Variants in FAM13A observed in about 807,000 individuals in gnomAD.
FAM13A encodes protein FAM13A.
In FAM13A, 76 loss-of-function variants were observed where a neutral mutation model predicts 129.6. That is an observed-to-expected ratio of 0.59 (90% CI 0.49 to 0.71). FAM13A has a LOEUF of 0.71. Ranked by LOEUF, FAM13A falls within the 30% of genes least tolerant of loss-of-function variation. FAM13A has a pLI of 0.00. For synonymous variants in FAM13A, 443 were observed against 449.9 expected (o/e 0.98, Z 0.20); for missense variants, 1,108 against 1,249.3 (o/e 0.89, Z 1.70).
intron 7 of FAM13A, among the ~76,000 whole-genome samples, chr4:88,810,913 T>G (rs1367895551): frequency 6.6e-6 from 1 of 152,204 alleles, no homozygotes; most frequent in Non-Finnish European, 1.5e-5. Context: ...TTATTAATAT[T>G]GGTCACATCC....
chr4:88,782,020 A>T (rs866840833), intron 10 of FAM13A, among the ~76,000 whole-genome samples: 6 of 151,090 alleles, frequency 4.0e-5, no homozygotes, highest in South Asian at 2.1e-4. Flanking sequence ...TTAAAAAATT[A>T]AAAAAAAAGA....
At chr4:88,733,144 G>C (rs897621145) in intron 21 of FAM13A, among the ~76,000 whole-genome samples, 2 of 152,224 alleles carry the variant, frequency 1.3e-5, no homozygotes, top group Non-Finnish European at 2.9e-5. Context: ...TGCCAGTGCA[G>C]CAAAAACATC....
intron 8 of FAM13A, among the ~76,000 whole-genome samples, chr4:88,801,619 TA>T (rs1727470003): frequency 6.6e-6 from 1 of 152,182 alleles, no homozygotes; most frequent in Non-Finnish European, 1.5e-5. Context: ...CCAGGTGAGT[TA>T]TTTAGAGCCC....
chr4:88,901,704 G>A (rs987136713), intron 6 of FAM13A, among the ~76,000 whole-genome samples: 2 of 151,472 alleles, frequency 1.3e-5, no homozygotes, highest in African/African-American at 4.8e-5. Flanking sequence ...AGAGAACCAA[G>A]AGCAAACAAA....
intron 4 of FAM13A, among the ~76,000 whole-genome samples, chr4:88,987,302 G>A (rs1762360712): frequency 6.6e-6 from 1 of 152,118 alleles, no homozygotes; most frequent in Non-Finnish European, 1.5e-5. Flanking sequence ...ATCAGACTAG[G>A]ATTTTCAATA....
intron 19 of FAM13A, among the ~76,000 whole-genome samples, chr4:88,746,552 C>A (rs563240229): frequency 6.6e-6 from 1 of 152,284 alleles, no homozygotes; most frequent in Non-Finnish European, 1.5e-5. Flanking sequence ...AGGAAGCCTA[C>A]AGTGACAGCT....
intron 5 of FAM13A, among the ~76,000 whole-genome samples, chr4:88,911,975 C>T (rs918402623): frequency 2.0e-5 from 3 of 152,120 alleles, no homozygotes; most frequent in Non-Finnish European, 4.4e-5. Context: ...ACAGAATCTG[C>T]CAAAACAGTC....
intron 14 of FAM13A, among the ~76,000 whole-genome samples, chr4:88,758,239 G>A (rs1744090388): frequency 1.3e-5 from 2 of 152,056 alleles, no homozygotes; most frequent in Admixed American, 6.6e-5. Flanking sequence ...CATGTATTCA[G>A]TGTTCTTTTT....
chr4:88,746,878 C>T, intron 19 of FAM13A, 54 bp downstream of exon 19: 1 of 1,156,350 alleles, frequency 8.6e-7, no homozygotes, highest in Non-Finnish European at 1.3e-6. Context: ...ATAGAAAATC[C>T]ATTTCTAAAG....
chr4:88,899,689 T>C (rs888051241), intron 6 of FAM13A, among the ~76,000 whole-genome samples: 1 of 151,998 alleles, frequency 6.6e-6, no homozygotes, highest in East Asian at 1.9e-4. Context: ...TAAAGAAGTT[T>C]TTCTATACTG....
chr4:88,786,510 T>G (rs932832611), intron 10 of FAM13A, among the ~76,000 whole-genome samples: 1 of 152,240 alleles, frequency 6.6e-6, no homozygotes, highest in Non-Finnish European at 1.5e-5. Context: ...AAATATCTCA[T>G]GTCATGCCAC....
intron 4 of FAM13A, among the ~76,000 whole-genome samples, chr4:88,984,283 C>A (rs1761977871): frequency 6.6e-6 from 1 of 152,054 alleles, no homozygotes; most frequent in South Asian, 2.1e-4. Flanking sequence ...AAAGAAAAAA[C>A]AGATACATTG....
chr4:88,931,974 C>T (rs1403985656), intron 5 of FAM13A, among the ~76,000 whole-genome samples: 1 of 152,194 alleles, frequency 6.6e-6, no homozygotes, highest in Non-Finnish European at 1.5e-5. Flanking sequence ...CCTGTTATAA[C>T]TCTCCTGCTG....
chr4:88,940,904 G>A (rs1461410753), intron 4 of FAM13A, among the ~76,000 whole-genome samples: 3 of 152,100 alleles, frequency 2.0e-5, no homozygotes, highest in Non-Finnish European at 4.4e-5. Flanking sequence ...TTTTATTTCA[G>A]CAAAAACACT....
intron 5 of FAM13A, among the ~76,000 whole-genome samples, chr4:88,929,494 T>TA (rs35747264): frequency 0.26 from 39,067 of 151,970 alleles, 5,806 homozygotes; most frequent in Middle Eastern, 0.35. Flanking sequence ...AACTTTTTTT[T>TA]ATCCCTCTTC....
At chr4:89,027,855 C>T (rs368529274) in intron 2 of FAM13A, among the ~76,000 whole-genome samples, 5 of 151,908 alleles carry the variant, frequency 3.3e-5, no homozygotes, top group African/African-American at 1.2e-4. Flanking sequence ...AGGTCCCAAG[C>T]GGCAGGATGG....
intron 6 of FAM13A, among the ~76,000 whole-genome samples, chr4:88,902,027 G>A (rs1212321218): frequency 6.6e-6 from 1 of 152,002 alleles, no homozygotes; most frequent in Non-Finnish European, 1.5e-5. Context: ...TAAATTCCTG[G>A]ACACATACAC....
chr4:88,942,735 T>C (rs565504458), intron 4 of FAM13A, among the ~76,000 whole-genome samples: 3 of 152,142 alleles, frequency 2.0e-5, no homozygotes, highest in Non-Finnish European at 4.4e-5. Flanking sequence ...TTTCCTACCT[T>C]GCCTGAATAT....
intron 21 of FAM13A, among the ~76,000 whole-genome samples, chr4:88,732,870 C>G (rs1738147926): frequency 6.6e-6 from 1 of 150,974 alleles, no homozygotes; most frequent in African/African-American, 2.4e-5. Flanking sequence ...GTATGATATT[C>G]TCGGTCTGTA....
Sources: gnomAD v4.1 joint callset for allele counts (sites outside exome capture counted in the v4.1 genomes callset) on GRCh38, gnomAD v4.1.1 for gene constraint, MANE v1.5 for transcripts, NCBI Gene and HGNC (gene_info 2026-07-23, HGNC 2026-07-21) for gene names.